The following SEM1 variants were observed in gnomAD, a reference collection of about 807,000 sequenced individuals.
SEM1 encodes the protein SEM1 26S proteasome subunit.
Under a neutral mutation model 12.7 loss-of-function variants are expected in SEM1, and 3 were observed. The ratio of observed to expected loss-of-function variants is 0.24; its 90% confidence interval spans 0.11 to 0.61. The LOEUF is 0.61. SEM1 is among the 20% of genes least tolerant of loss of function. The pLI is 0.88. For synonymous variants in SEM1, 30 were observed against 27.8 expected (o/e 1.08, Z -0.25); for missense variants, 59 against 81.3 (o/e 0.73, Z 1.06).
intron 2 of SEM1, among the ~76,000 whole-genome samples, chr7:96,538,108 T>C (rs974829992): frequency 3.3e-5 from 5 of 151,872 alleles, no homozygotes; most frequent in East Asian, 1.9e-4. Flanking sequence ...GAGACACTTA[T>C]AATTTCTTTA....
intron 2 of SEM1, among the ~76,000 whole-genome samples, chr7:96,579,968 A>C (rs531754906): frequency 9.9e-5 from 15 of 151,100 alleles, no homozygotes; most frequent in Admixed American, 8.6e-4. Context: ...TTTTTAATTT[A>C]TTTATTTATT....
chr7:96,694,173 A>G (rs1392201768), intron 2 of SEM1, among the ~76,000 whole-genome samples: 1 of 151,978 alleles, frequency 6.6e-6, no homozygotes, highest in Non-Finnish European at 1.5e-5. Flanking sequence ...GCAGATCAGC[A>G]GCGGCCAGGG....
intron 2 of SEM1, among the ~76,000 whole-genome samples, chr7:96,612,194 G>A (rs558825182): frequency 6.6e-6 from 1 of 152,236 alleles, no homozygotes; most frequent in African/African-American, 2.4e-5. Context: ...ACATAATGAG[G>A]CTCAGAGCAA....
At chr7:96,521,243 C>G (rs548865487) in intron 2 of SEM1, among the ~76,000 whole-genome samples, 1 of 152,062 alleles carries the variant, frequency 6.6e-6, no homozygotes, top group Non-Finnish European at 1.5e-5. Flanking sequence ...AGCTTAAACC[C>G]GGAGCAGACA....
chr7:96,609,550 C>G (rs1231243382), intron 2 of SEM1, among the ~76,000 whole-genome samples: 1 of 152,144 alleles, frequency 6.6e-6, no homozygotes, highest in East Asian at 1.9e-4. Flanking sequence ...AGTCATACAG[C>G]TAGCAAATCT....
At chr7:96,539,674 T>C (rs1356955283) in intron 2 of SEM1, among the ~76,000 whole-genome samples, 2 of 151,684 alleles carry the variant, frequency 1.3e-5, no homozygotes, top group Non-Finnish European at 2.9e-5. Context: ...AAGGATGCAA[T>C]ATCCTTGGAT....
intron 2 of SEM1, among the ~76,000 whole-genome samples, chr7:96,516,693 A>G (rs1804105770): frequency 6.6e-6 from 1 of 152,132 alleles, no homozygotes; most frequent in Non-Finnish European, 1.5e-5. Context: ...ACAAAACTAA[A>G]CATATTCTTA....
At chr7:96,576,547 C>T (rs1806208850) in intron 2 of SEM1, among the ~76,000 whole-genome samples, 3 of 152,098 alleles carry the variant, frequency 2.0e-5, no homozygotes, top group Non-Finnish European at 4.4e-5. Flanking sequence ...TTATGGTTTA[C>T]AATGCTTACC....
rs542212625 is a variant in SEM1, at chr7:96,616,314, A to G, written c.170+78484T>C. ...GATTAGTGATGCTGAACATTTTTTC[A>G]TGTTTCTTGGCCACTTGTGTGTCCT... is the stretch of plus-strand genomic sequence containing the variant. On this transcript the variant is annotated intron_variant and NMD_transcript_variant, in intron 2 of 3. Transcript: ENST00000466986. 5.9e-5 allele frequency among the ~76,000 whole-genome samples: 9 copies of G among 151,870 alleles called. No individual in the cohort carries two copies. The South Asian group carries it at 1.9e-3, about 32-fold the overall frequency.
chr7:96,685,803 T>A (rs1032501427), downstream of SEM1, among the ~76,000 whole-genome samples: 10 of 147,450 alleles, frequency 6.8e-5, no homozygotes, highest in African/African-American at 2.5e-4. Flanking sequence ...AAAAAAAAAA[T>A]TGATTGATTA....
chr7:96,484,783 A>G (rs1319127981), intron 3 of SEM1: 1 of 1,216,590 alleles, frequency 8.2e-7, no homozygotes, highest in South Asian at 1.3e-5. Flanking sequence ...ACCATACAGA[A>G]AAGTTACCCA....
At position 96,534,015 on chromosome 7, in the gene SEM1, T is replaced by C. The variant is rs144469165; in HGVS notation, c.171-27317A>G. Among the ~76,000 whole-genome samples, 339 of 152,176 alleles carry C rather than the reference T, an allele frequency of 2.2e-3. 2 individuals are homozygous for C. Among genetic ancestry groups the C allele is most frequent in the African/African-American group, 7.9e-3 (330 of 41,564 alleles). On this transcript the variant is annotated intron_variant and NMD_transcript_variant, in intron 2 of 3. Transcript: ENST00000466986. ...AAATGAGAGGTATACGTAAAGCACT[T>C]TGCTGCTTACTCAAGTACAATATAC...
intron 2 of SEM1, among the ~76,000 whole-genome samples, chr7:96,665,091 C>T (rs372555582): frequency 6.6e-6 from 1 of 152,132 alleles, no homozygotes; most frequent in East Asian, 1.9e-4. Flanking sequence ...ACTCTCAGGG[C>T]TCCCATAGGC....
intron 2 of SEM1, among the ~76,000 whole-genome samples, chr7:96,662,600 T>C (rs931618546): frequency 3.9e-5 from 6 of 152,186 alleles, no homozygotes; most frequent in Non-Finnish European, 5.9e-5. Flanking sequence ...GACGGGTTGA[T>C]AGGTGCAGCA....
At chr7:96,540,404 A>G (rs1167878100) in intron 2 of SEM1, among the ~76,000 whole-genome samples, 1 of 151,870 alleles carries the variant, frequency 6.6e-6, no homozygotes, top group Non-Finnish European at 1.5e-5. Context: ...ATCTCAGTAT[A>G]TAAAATGGCA....
At position 96,633,994 on chromosome 7, in the gene SEM1, C is replaced by T. The variant is rs150905042; in HGVS notation, c.171-11351G>A. ...TAATTTTCCTATATATCAGGAGGTG[C>T]AAACTCAAATGTCTTTAAAAGATAG... On this transcript the variant is annotated intron_variant, in intron 2 of 2. Coordinates refer to the SEM1 transcript ENST00000417009. Among the ~76,000 whole-genome samples, 329 of 152,158 alleles carry T rather than the reference C, an allele frequency of 2.2e-3. 1 individual carries two copies. Among genetic ancestry groups the T allele is most frequent in the Non-Finnish European group, 2.8e-3 (192 of 67,982 alleles).
At chr7:96,668,525 CAATG>C (rs766197791), downstream of SEM1, among the ~76,000 whole-genome samples, 44 of 152,120 alleles carry the variant, frequency 2.9e-4, no homozygotes, top group Non-Finnish European at 5.9e-4. Context: ...AAAAAGGACT[CAATG>C]AAATTAAGTA....
At chr7:96,632,697 TATA>T (rs756521309) in intron 2 of SEM1, among the ~76,000 whole-genome samples, 1 of 151,824 alleles carries the variant, frequency 6.6e-6, no homozygotes, top group Admixed American at 6.6e-5. Flanking sequence ...GAATATAAAG[TATA>T]ATAATAATTT....
chr7:96,496,316 T>G (rs1023514046), exon 1 of SEM1: 5 of 1,507,562 alleles, frequency 3.3e-6, no homozygotes. Flanking sequence ...CAGAGCTGCA[T>G]AGCATCATCT....
Sources: allele counts gnomAD v4.1 joint callset (sites outside exome capture counted in the v4.1 genomes callset), GRCh38; gene constraint gnomAD v4.1.1; transcripts MANE v1.5; gene names NCBI Gene and HGNC (gene_info 2026-07-23, HGNC 2026-07-21).